The following RBMS3 variants were observed in gnomAD, a reference collection of about 807,000 sequenced individuals.
RBMS3 encodes the protein RNA-binding motif, single-stranded-interacting protein 3.
RBMS3 carries 27 observed loss-of-function variants against 66.8 expected under a neutral mutation model. The ratio of observed to expected loss-of-function variants is 0.40; its 90% CI spans 0.30 to 0.56. RBMS3 has a LOEUF of 0.56. Among genes scored for constraint, RBMS3 ranks in the 20% least tolerant of loss-of-function variants. RBMS3 has a pLI of 0.40. For missense variants in RBMS3, 513 were observed against 549.5 expected (o/e 0.93, Z 0.66); for synonymous variants, 188 against 183.0 (o/e 1.03, Z -0.22).
At chr3:29,758,070 T>C (rs1368144576) in intron 5 of RBMS3, among the ~76,000 whole-genome samples, 1 of 152,204 alleles carries the variant, frequency 6.6e-6, no homozygotes, top group Non-Finnish European at 1.5e-5. Flanking sequence ...CTAGTTTTCA[T>C]GGGTTTTGGG....
chr3:29,645,161 CA>C (rs903577188), intron 4 of RBMS3, among the ~76,000 whole-genome samples: 1 of 151,990 alleles, frequency 6.6e-6, no homozygotes, highest in Non-Finnish European at 1.5e-5. Context: ...GCAGGAGATG[CA>C]AAAAAAGAGG....
intron 3 of RBMS3, among the ~76,000 whole-genome samples, chr3:29,586,493 A>G (rs983946785): frequency 6.6e-6 from 1 of 152,116 alleles, no homozygotes; most frequent in Non-Finnish European, 1.5e-5. Context: ...TTTTTCACAG[A>G]TCTGTACGAG....
At chr3:29,335,151 G>T (rs9845524) in intron 1 of RBMS3, among the ~76,000 whole-genome samples, 44,514 of 151,704 alleles carry the variant, frequency 0.29, 6,757 homozygotes, top group South Asian at 0.43. Flanking sequence ...CAATTAGACT[G>T]CACTGTCAGT....
intron 6 of RBMS3, among the ~76,000 whole-genome samples, chr3:29,861,293 C>T (rs1181016386): frequency 2.0e-5 from 3 of 152,044 alleles, no homozygotes; most frequent in African/African-American, 7.2e-5. Context: ...CTTCTGTTGT[C>T]GTTAGCTTTT....
chr3:29,760,327 A>G (rs1021596765), intron 5 of RBMS3, among the ~76,000 whole-genome samples: 30 of 151,798 alleles, frequency 2.0e-4, no homozygotes, highest in African/African-American at 7.3e-4. Flanking sequence ...TTCATTTATA[A>G]TTCCATGCCA....
At chr3:29,883,443 A>G (rs1008366895) in intron 7 of RBMS3, among the ~76,000 whole-genome samples, 6 of 152,114 alleles carry the variant, frequency 3.9e-5, no homozygotes, top group African/African-American at 1.4e-4. Flanking sequence ...GATGATGTAC[A>G]TGAAGGAACA....
intron 8 of RBMS3, among the ~76,000 whole-genome samples, chr3:29,896,698 C>T (rs899891299): frequency 6.6e-6 from 1 of 151,486 alleles, no homozygotes; most frequent in Admixed American, 6.6e-5. Context: ...GAGAATCATC[C>T]CTCCTCTGAT....
chr3:29,592,660 A>G (rs2047785156), intron 4 of RBMS3, among the ~76,000 whole-genome samples: 1 of 152,176 alleles, frequency 6.6e-6, no homozygotes, highest in Admixed American at 6.5e-5. Flanking sequence ...ATTACTGGGT[A>G]TATACCCAAA....
intron 4 of RBMS3, among the ~76,000 whole-genome samples, chr3:29,709,516 A>G (rs2053062668): frequency 6.6e-6 from 1 of 152,178 alleles, no homozygotes; most frequent in Admixed American, 6.5e-5. Context: ...TTTTTGAGTT[A>G]TGTGTATGGC....
intron 1 of RBMS3, among the ~76,000 whole-genome samples, chr3:29,326,986 TC>T (rs1311615819): frequency 1.3e-5 from 2 of 152,160 alleles, no homozygotes; most frequent in Non-Finnish European, 2.9e-5. Context: ...CGCACTGGCC[TC>T]CCAAAGTGCT....
intron 4 of RBMS3, among the ~76,000 whole-genome samples, chr3:29,643,776 C>G (rs1161036212): frequency 6.6e-6 from 1 of 152,112 alleles, no homozygotes. Flanking sequence ...ATATTTAGTT[C>G]TGTCGTTGTC....
chr3:29,679,381 G>A (rs887104745), intron 4 of RBMS3, among the ~76,000 whole-genome samples: 1 of 152,018 alleles, frequency 6.6e-6, no homozygotes, highest in African/African-American at 2.4e-5. Context: ...ATTTATTAGA[G>A]TCACTTTTGC....
chr3:29,603,289 C>T (rs1316259147), intron 4 of RBMS3, among the ~76,000 whole-genome samples: 4 of 151,994 alleles, frequency 2.6e-5, no homozygotes, highest in Non-Finnish European at 5.9e-5. Context: ...AACTGGATGT[C>T]AATATCCTAT....
intron 7 of RBMS3, among the ~76,000 whole-genome samples, chr3:29,869,771 G>A (rs1267574011): frequency 6.6e-6 from 1 of 152,010 alleles, no homozygotes; most frequent in East Asian, 1.9e-4. Flanking sequence ...TTGAAAAAAT[G>A]CTATTTTGTA....
intron 3 of RBMS3, among the ~76,000 whole-genome samples, chr3:29,533,540 G>A (rs552520398): frequency 1.5e-4 from 23 of 152,132 alleles, no homozygotes; most frequent in Middle Eastern, 3.4e-3. Context: ...TGCTTTGGGA[G>A]GTTTCAGCAG....
intron 6 of RBMS3, among the ~76,000 whole-genome samples, chr3:29,836,824 C>T (rs1418703668): frequency 1.3e-5 from 2 of 151,194 alleles, no homozygotes; most frequent in African/African-American, 4.9e-5. Context: ...ACATTGTACA[C>T]CTTAAATATA....
chr3:29,838,779 T>A (rs1424669970), intron 6 of RBMS3, among the ~76,000 whole-genome samples: 1 of 152,202 alleles, frequency 6.6e-6, no homozygotes, highest in Non-Finnish European at 1.5e-5. Context: ...AGTGTATGTG[T>A]CCATTAGTAT....
At position 29,665,465 on chromosome 3, in the gene RBMS3, T is replaced by A. The variant is rs182578949; in HGVS notation, c.400-74255T>A. On this transcript the variant is annotated intron_variant, in intron 4 of 14. Transcript: ENST00000383767. The stretch of plus-strand genomic sequence containing the variant: ...CTATTTCAATAATTCAGCGTTCTTT[T>A]TCCTCCTCCCCTTTCCAAACACTAT... Among the ~76,000 whole-genome samples, 3 of 152,374 alleles carry A rather than the reference T, an allele frequency of 2.0e-5. No individual in the cohort carries two copies. The East Asian group carries it at 5.8e-4, about 29-fold the overall frequency.
intron 1 of RBMS3, among the ~76,000 whole-genome samples, chr3:29,342,296 G>C (rs1022797066): frequency 1.6e-4 from 24 of 152,068 alleles, no homozygotes; most frequent in African/African-American, 5.8e-4. Flanking sequence ...GTATGGAAGA[G>C]CTGCCCAGTC....
Sources: gnomAD v4.1 joint callset for allele counts (sites outside exome capture counted in the v4.1 genomes callset) on GRCh38, gnomAD v4.1.1 for gene constraint, MANE v1.5 for transcripts, NCBI Gene and HGNC (gene_info 2026-07-23, HGNC 2026-07-21) for gene names.